The following SORL1-AS1 variants were observed in gnomAD, a reference collection of about 807,000 sequenced individuals.
SORL1-AS1 encodes the protein lncRNA 51 A.
downstream of SORL1-AS1, among the ~76,000 whole-genome samples, chr11:121,444,224 C>T (rs748887093): frequency 1.3e-5 from 2 of 152,106 alleles, no homozygotes; most frequent in Admixed American, 6.5e-5. Flanking sequence ...ATGTACAAAC[C>T]TGAATAAAAA....
downstream of SORL1-AS1, among the ~76,000 whole-genome samples, chr11:121,442,506 G>C (rs562992751): frequency 6.6e-6 from 1 of 151,488 alleles, no homozygotes; most frequent in Non-Finnish European, 1.5e-5. Context: ...GTGGTGGCAC[G>C]CACCTGTGGT....
chr11:121,446,046 G>A (rs1860717800), downstream of SORL1-AS1, among the ~76,000 whole-genome samples: 1 of 152,074 alleles, frequency 6.6e-6, no homozygotes, highest in Non-Finnish European at 1.5e-5. Flanking sequence ...AGTCTCCCCA[G>A]AGCATTGATT....
downstream of SORL1-AS1, among the ~76,000 whole-genome samples, chr11:121,445,769 C>T (rs377106108): frequency 6.6e-5 from 10 of 152,024 alleles, no homozygotes; most frequent in African/African-American, 2.4e-4. Flanking sequence ...CATCTTTTTT[C>T]CCCCCAAGAC....
chr11:121,447,327 T>G (rs1231148519), downstream of SORL1-AS1: 1 of 153,944 alleles, frequency 6.5e-6, no homozygotes, highest in Non-Finnish European at 1.4e-5. Context: ...TTTTTTTTTT[T>G]TTTGAGACAG....
At chr11:121,444,633 G>T (rs1419105136), downstream of SORL1-AS1, among the ~76,000 whole-genome samples, 1 of 152,224 alleles carries the variant, frequency 6.6e-6, no homozygotes, top group South Asian at 2.1e-4. Flanking sequence ...TGGAAGAGGG[G>T]TGGAAGGGTG....
At chr11:121,446,918 C>T (rs1018592698), downstream of SORL1-AS1, among the ~76,000 whole-genome samples, 5 of 152,200 alleles carry the variant, frequency 3.3e-5, no homozygotes, top group Non-Finnish European at 2.9e-5. Flanking sequence ...GTCACATCCC[C>T]AGGCTCGTCT....
chr11:121,439,843 C>G, the SORL1-AS1 span, among the ~76,000 whole-genome samples: 1 of 152,214 alleles, frequency 6.6e-6, no homozygotes, highest in Non-Finnish European at 1.5e-5. Flanking sequence ...CCAGACATTG[C>G]TGCCACAAGT....
At chr11:121,441,156 T>C in the SORL1-AS1 span, among the ~76,000 whole-genome samples, 1 of 152,208 alleles carries the variant, frequency 6.6e-6, no homozygotes, top group Admixed American at 6.5e-5. Flanking sequence ...TTGGTTGTTC[T>C]TGGTATTGTT....
At chr11:121,446,105 G>A (rs191592024), downstream of SORL1-AS1, among the ~76,000 whole-genome samples, 21 of 152,234 alleles carry the variant, frequency 1.4e-4, no homozygotes, top group South Asian at 2.1e-3. Context: ...TGTGAGGAGC[G>A]GGGGTGGGGG....
At chr11:121,438,694 T>C in the SORL1-AS1 span, among the ~76,000 whole-genome samples, 1 of 152,244 alleles carries the variant, frequency 6.6e-6, no homozygotes, top group African/African-American at 2.4e-5. Flanking sequence ...CTTTAGTCTA[T>C]TGATAGACAT....
downstream of SORL1-AS1, among the ~76,000 whole-genome samples, chr11:121,445,644 ACTTTAGC>A (rs1860712956): frequency 2.6e-5 from 4 of 151,796 alleles, no homozygotes; most frequent in Admixed American, 2.6e-4. Flanking sequence ...GAACCAGAGC[ACTTTAGC>A]CTTCTCTGCT....
At chr11:121,440,297 C>T in the SORL1-AS1 span, among the ~76,000 whole-genome samples, 660 of 152,272 alleles carry the variant, frequency 4.3e-3, 4 homozygotes, top group African/African-American at 0.015. Context: ...TTGCTTGAAC[C>T]CCGGAGGCGG....
Position 121,452,345 on chromosome 11 carries a change from G to T in SORL1-AS1, n.339+330C>A. 1 of 1,552,000 alleles carries T rather than the reference G, an allele frequency of 6.4e-7. No homozygotes were observed. Among genetic ancestry groups the T allele is most frequent in the Non-Finnish European group, 8.7e-7 (1 of 1,153,736 alleles). ...GTTCGCCCGAACATGGCGACACGGAGCAGCAGGAGGGAGTCGCGACTCCCG... is the reference window on the plus strand; with the variant it reads ...GTTCGCCCGAACATGGCGACACGGATCAGCAGGAGGGAGTCGCGACTCCCG... On this transcript the variant is annotated intron_variant and non_coding_transcript_variant, in intron 1 of 1. Coordinates refer to ENST00000501964, the Ensembl canonical transcript of SORL1-AS1. The surrounding 1 kb of genome is among the most constrained non-coding windows in gnomAD (Gnocchi z 5.3).
chr11:121,439,076 T>G, the SORL1-AS1 span, among the ~76,000 whole-genome samples: 1 of 152,158 alleles, frequency 6.6e-6, no homozygotes, highest in Non-Finnish European at 1.5e-5. Flanking sequence ...TTATCCAACT[T>G]TTTTTGTAGA....
At chr11:121,448,989 T>C (rs1860757436) in exon 2 of SORL1-AS1, 2 of 152,236 alleles carry the variant, frequency 1.3e-5, no homozygotes, top group Middle Eastern at 3.4e-3. Context: ...CAGAAAGAAG[T>C]CAAATTAGGC....
At chr11:121,440,323 G>A in the SORL1-AS1 span, among the ~76,000 whole-genome samples, 8 of 152,174 alleles carry the variant, frequency 5.3e-5, no homozygotes, top group African/African-American at 1.7e-4. Flanking sequence ...ACGGTGAGCC[G>A]AGAGCATGCC....
At chr11:121,442,415 G>A (rs559414343), downstream of SORL1-AS1, among the ~76,000 whole-genome samples, 13 of 152,178 alleles carry the variant, frequency 8.5e-5, no homozygotes, top group South Asian at 2.1e-3. Context: ...TGGGTGGACT[G>A]TTTGAGGTCA....
chr11:121,451,002 C>T (rs1860782243), intron 1 of SORL1-AS1, among the ~76,000 whole-genome samples: 2 of 152,064 alleles, frequency 1.3e-5, no homozygotes, highest in South Asian at 2.1e-4. Flanking sequence ...TAGAGTGGGC[C>T]GGGGTAGGAA....
downstream of SORL1-AS1, among the ~76,000 whole-genome samples, chr11:121,443,524 T>G (rs962942977): frequency 2.0e-4 from 30 of 152,370 alleles, 1 homozygote; most frequent in Admixed American, 2.0e-3. Context: ...ATATTGTCTG[T>G]AGTAGATTTT....
Sources: allele counts gnomAD v4.1 joint callset (sites outside exome capture counted in the v4.1 genomes callset), GRCh38; gene constraint gnomAD v4.1.1; non-coding constraint Gnocchi (gnomAD v3.1); transcripts MANE v1.5; gene names NCBI Gene and HGNC (gene_info 2026-07-23, HGNC 2026-07-21).